Variants in TMEM181 observed in about 807,000 individuals in gnomAD.
The protein encoded by TMEM181 is G protein-coupled receptor 178.
TMEM181 carries 39 observed loss-of-function variants against 71.9 expected under a neutral mutation model. The observed-to-expected ratio is 0.54, with a 90% CI of 0.42 to 0.71. The LOEUF (loss-of-function observed/expected upper bound fraction) is 0.71, where lower values mean the gene tolerates loss of function less well. Ranked by LOEUF, TMEM181 falls within the 30% of genes least tolerant of loss-of-function variation. The probability of loss-of-function intolerance (pLI) is 0.00; values close to 1 mark genes in which losing one functional copy is unlikely to be tolerated. For synonymous variants in TMEM181, 245 were observed against 228.8 expected (o/e 1.07, Z -0.64); for missense variants, 595 against 583.0 (o/e 1.02, Z -0.21).
intron 1 of TMEM181, among the ~76,000 whole-genome samples, chr6:158,566,742 G>A (rs902786554): frequency 2.2e-4 from 33 of 151,848 alleles, no homozygotes; most frequent in African/African-American, 7.7e-4. Flanking sequence ...GGTGAGGGAG[G>A]TGATGGTGAG....
chr6:158,609,738 G>A (rs754514431), intron 10 of TMEM181: 1 of 262,388 alleles, frequency 3.8e-6, no homozygotes, highest in Non-Finnish European at 8.0e-6. Flanking sequence ...GTGTTCTCAC[G>A]CAAAGTGGCC....
intron 5 of TMEM181, among the ~76,000 whole-genome samples, chr6:158,588,372 T>G (rs927220473): frequency 2.0e-5 from 3 of 152,198 alleles, no homozygotes; most frequent in Non-Finnish European, 2.9e-5. Context: ...CCCCCTTGCC[T>G]TAGGTCAGCA....
chr6:158,621,266 C>T (rs1583048281), intron 10 of TMEM181: 1 of 152,292 alleles, frequency 6.6e-6, no homozygotes, highest in African/African-American at 2.4e-5. Flanking sequence ...TTACTATCTG[C>T]TCTTTCTGGC....
intron 2 of TMEM181, among the ~76,000 whole-genome samples, chr6:158,577,525 A>T (rs1465216294): frequency 6.6e-6 from 1 of 152,224 alleles, no homozygotes; most frequent in African/African-American, 2.4e-5. Context: ...AATGGGTCAG[A>T]GAATATTTCA....
In TMEM181 at chr6:158,573,511, G is replaced by T. The variant is rs781100263; in HGVS notation, c.100G>T (p.Val34Phe). The change falls in exon 2 of 17, where the codon GTT becomes TTT. Residue 34 changes from valine (V) to phenylalanine (F), a missense_variant. By Grantham distance (50) the Val-to-Phe change is conservative. Transcript: ENST00000684151. ...FFICFGLTIF[V>F]GIRGPKVIQT... ...CATCTGCTTTGGCCTGACCATCTTC[G>T]TTGGGATCAGAGGTAAGGTTCGGTT... 1.6e-5 allele frequency: 26 copies of T among 1,605,322 alleles called. No individual in the cohort carries two copies. The Admixed American group carries it at 2.9e-4, about 18-fold the overall frequency.
chr6:158,602,034 A>G (rs570333890), intron 6 of TMEM181, among the ~76,000 whole-genome samples: 45 of 152,128 alleles, frequency 3.0e-4, no homozygotes, highest in Non-Finnish European at 5.7e-4. Context: ...TCAAGATCAT[A>G]AGCATCCCCT....
At chr6:158,609,097 CAAA>C (rs61268690) in intron 10 of TMEM181, among the ~76,000 whole-genome samples, 7 of 113,398 alleles carry the variant, frequency 6.2e-5, no homozygotes, top group Non-Finnish European at 3.8e-5. Context: ...GACCTTGTCT[CAAA>C]AAAAAAAAAA....
intron 1 of TMEM181, among the ~76,000 whole-genome samples, chr6:158,571,206 C>T (rs1273723423): frequency 2.0e-5 from 3 of 152,186 alleles, no homozygotes; most frequent in African/African-American, 4.8e-5. Flanking sequence ...GTGCCATTCT[C>T]CCGCCTCAGC....
At chr6:158,566,413 G>C (rs982047639) in intron 1 of TMEM181, among the ~76,000 whole-genome samples, 1 of 152,000 alleles carries the variant, frequency 6.6e-6, no homozygotes, top group Non-Finnish European at 1.5e-5. Flanking sequence ...TGGTGAGGGA[G>C]GTGATGGGGT....
chr6:158,630,943 A>C (rs2128333575), intron 15 of TMEM181, among the ~76,000 whole-genome samples: 2 of 152,314 alleles, frequency 1.3e-5, no homozygotes, highest in South Asian at 4.1e-4. Flanking sequence ...CGTTTTACAG[A>C]AGCAGCAGCT....
At chr6:158,559,951 TG>T (rs1782052823), upstream of TMEM181, 2 of 644,414 alleles carry the variant, frequency 3.1e-6, no homozygotes, top group Admixed American at 6.8e-5. Flanking sequence ...CTCCCGGCCG[TG>T]GGGCTCCGCC....
chr6:158,570,441 C>T (rs571749781), intron 1 of TMEM181, among the ~76,000 whole-genome samples: 1 of 151,718 alleles, frequency 6.6e-6, no homozygotes, highest in Non-Finnish European at 1.5e-5. Flanking sequence ...CAGGGTTTCA[C>T]CGTGTCAGCC....
chr6:158,570,233 CTTTT>C (rs542922209), intron 1 of TMEM181, among the ~76,000 whole-genome samples: 1 of 136,714 alleles, frequency 7.3e-6, no homozygotes. Context: ...TTTCCGTACA[CTTTT>C]TTTTTTTTTT....
chr6:158,562,478 T>TGTC (rs1554302369), intron 1 of TMEM181, among the ~76,000 whole-genome samples: 2,670 of 116,280 alleles, frequency 0.023, 46 homozygotes, highest in East Asian at 0.065. Context: ...GTGTGTGTCT[T>TGTC]GCTTGGCACG....
At chr6:158,629,068 G>T (rs1253568236) in intron 14 of TMEM181, among the ~76,000 whole-genome samples, 1 of 152,206 alleles carries the variant, frequency 6.6e-6, no homozygotes, top group Non-Finnish European at 1.5e-5. Flanking sequence ...TGAGGCCAGT[G>T]GCGCAGGGCT....
intron 2 of TMEM181, among the ~76,000 whole-genome samples, chr6:158,577,025 G>A (rs1420815234): frequency 7.3e-6 from 1 of 137,430 alleles, no homozygotes; most frequent in Non-Finnish European, 1.5e-5. Context: ...TTGCGCCACT[G>A]CACTCCAGCC....
chr6:158,573,135 A>G (rs1782967250), intron 1 of TMEM181, among the ~76,000 whole-genome samples: 1 of 152,120 alleles, frequency 6.6e-6, no homozygotes, highest in Non-Finnish European at 1.5e-5. Flanking sequence ...CCCCTAGTGC[A>G]TTCTCCTCGA....
chr6:158,537,922 C>T (rs1781185752), intron 1 of TMEM181, among the ~76,000 whole-genome samples: 1 of 152,064 alleles, frequency 6.6e-6, no homozygotes, highest in Admixed American at 6.6e-5. Context: ...AGCAACGCAG[C>T]GGGACCGTGG....
chr6:158,555,675 C>T (rs1224534290), upstream of TMEM181, among the ~76,000 whole-genome samples: 1 of 152,194 alleles, frequency 6.6e-6, no homozygotes, highest in African/African-American at 2.4e-5. Flanking sequence ...CCATAATATA[C>T]AGCTAGCTGG....
Sources: gnomAD v4.1 joint callset for allele counts (sites outside exome capture counted in the v4.1 genomes callset) on GRCh38, gnomAD v4.1.1 for gene constraint, MANE v1.5 for transcripts, NCBI Gene and HGNC (gene_info 2026-07-23, HGNC 2026-07-21) for gene names.